The following USP34 variants were observed in gnomAD, a reference collection of about 807,000 sequenced individuals.
USP34 encodes ubiquitin specific peptidase 34.
In USP34, 70 loss-of-function variants were observed where a neutral mutation model predicts 460.3. That is an observed-to-expected ratio of 0.15 (90% confidence interval 0.13 to 0.19). The LOEUF is 0.19. Among genes scored for constraint, USP34 ranks in the 10% least tolerant of loss-of-function variants. USP34 has a pLI of 1.00. For missense variants in USP34, 3,985 were observed against 4,236.2 expected (o/e 0.94, Z 1.65); for synonymous variants, 1,647 against 1,405.3 (o/e 1.17, Z -3.85).
chr2:61,461,555 A>G (rs1256648214), intron 1 of USP34, among the ~76,000 whole-genome samples: 1 of 152,126 alleles, frequency 6.6e-6, no homozygotes, highest in Non-Finnish European at 1.5e-5. Flanking sequence ...AAGTCTTGCT[A>G]TGTTGCCCAG....
intron 30 of USP34, among the ~76,000 whole-genome samples, chr2:61,295,754 T>C (rs1026051609): frequency 1.3e-5 from 2 of 152,246 alleles, no homozygotes; most frequent in Non-Finnish European, 2.9e-5. Context: ...TGAAATGCTA[T>C]TACTAGTGCT....
intron 27 of USP34, among the ~76,000 whole-genome samples, chr2:61,308,941 C>T (rs1690499913): frequency 6.6e-6 from 1 of 152,074 alleles, no homozygotes; most frequent in African/African-American, 2.4e-5. Context: ...ACTCAGGAGG[C>T]TGAGGTGGGA....
At chr2:61,312,526 A>T (rs913792661) in intron 25 of USP34, among the ~76,000 whole-genome samples, 1 of 151,836 alleles carries the variant, frequency 6.6e-6, no homozygotes, top group Non-Finnish European at 1.5e-5. Flanking sequence ...AAAAAAAAAA[A>T]GTCTAAAACT....
At chr2:61,368,048 A>G (rs1460833322) in intron 10 of USP34, among the ~76,000 whole-genome samples, 3 of 152,228 alleles carry the variant, frequency 2.0e-5, no homozygotes, top group Non-Finnish European at 4.4e-5. Flanking sequence ...CGGAAAGTAA[A>G]TATTTTAGGA....
At chr2:61,382,181 TA>T (rs1449547008) in intron 6 of USP34, among the ~76,000 whole-genome samples, 1 of 152,200 alleles carries the variant, frequency 6.6e-6, no homozygotes, top group Non-Finnish European at 1.5e-5. Flanking sequence ...ATGATCTATT[TA>T]AAAGCCAAAT....
intron 44 of USP34, among the ~76,000 whole-genome samples, chr2:61,258,305 C>T (rs1170661605): frequency 6.6e-6 from 1 of 152,154 alleles, no homozygotes; most frequent in East Asian, 1.9e-4. Context: ...GCCTGGGTGA[C>T]AGAGTGAGAC....
intron 1 of USP34, among the ~76,000 whole-genome samples, chr2:61,470,404 A>G (rs1016297102): frequency 1.3e-5 from 2 of 151,450 alleles, no homozygotes; most frequent in Non-Finnish European, 3.0e-5. Flanking sequence ...GAGAGCCCAG[A>G]GCGCCCGGGC....
At chr2:61,437,425 G>T (rs953278233) in intron 1 of USP34, among the ~76,000 whole-genome samples, 13 of 152,100 alleles carry the variant, frequency 8.5e-5, no homozygotes, top group Admixed American at 8.5e-4. Flanking sequence ...TAAAAACCTA[G>T]AGGAAATGAA....
Position 61,420,841 on chromosome 2 carries a change from A to G in USP34, c.44-8T>C. ...CACCTTCTACATCTGATACTGAAATAAAAAAGAAATTTTAAAATTATGAAT... is the reference window on the plus strand; with the variant it reads ...CACCTTCTACATCTGATACTGAAATGAAAAAGAAATTTTAAAATTATGAAT... On this transcript the variant is annotated splice_region_variant and splice_polypyrimidine_tract_variant and intron_variant, in intron 1 of 79. Transcript: ENST00000398571. 1.3e-6 allele frequency: 2 copies of G among 1,598,338 alleles called. No individual in the cohort carries two copies. The highest frequency in any genetic ancestry group is 1.1e-5 in the South Asian group (1 of 87,790).
chr2:61,327,845 GCTT>G (rs1572938642), intron 20 of USP34, among the ~76,000 whole-genome samples: 1 of 152,226 alleles, frequency 6.6e-6, no homozygotes, highest in East Asian at 1.9e-4. Flanking sequence ...CTTGTCCATG[GCTT>G]CTGACATCAC....
intron 41 of USP34, 23 bp downstream of exon 41, chr2:61,278,142 C>T: frequency 6.2e-7 from 1 of 1,607,920 alleles, no homozygotes; most frequent in Non-Finnish European, 8.5e-7. Flanking sequence ...TTCATAGAAA[C>T]ATTTGATTAT....
In USP34 at chr2:61,349,303, A is replaced by C. The variant is rs748565315; in HGVS notation, c.1508-18T>G. 3 of 1,612,270 alleles carry C rather than the reference A, an allele frequency of 1.9e-6. No homozygotes were observed. The African/African-American group carries it at 4.0e-5, about 22-fold the overall frequency. On this transcript the variant is annotated intron_variant, in intron 12 of 79. Transcript: ENST00000398571. ...TTCTTCCTCTGAAGGAAAAGGAAAA[A>C]ACAGGAGAAAAACATTCTAAGTGAC...
At chr2:61,278,131 T>G (rs1421322728) in intron 41 of USP34, 34 bp downstream of exon 41, 1 of 1,605,700 alleles carries the variant, frequency 6.2e-7, no homozygotes. Context: ...TTCAATCACA[T>G]TTCATAGAAA....
intron 3 of USP34, among the ~76,000 whole-genome samples, chr2:61,398,842 C>A (rs1693623934): frequency 6.6e-6 from 1 of 152,074 alleles, no homozygotes; most frequent in South Asian, 2.1e-4. Flanking sequence ...GAAATGAAGT[C>A]TCAAAGTAAG....
chr2:61,332,548 T>G (rs946042190), intron 19 of USP34, among the ~76,000 whole-genome samples: 6 of 152,000 alleles, frequency 3.9e-5, no homozygotes, highest in African/African-American at 7.2e-5. Flanking sequence ...AGTTACTCCT[T>G]AATATGAACC....
At chr2:61,201,211 GTTTTTTTTT>G (rs59199472) in intron 75 of USP34, among the ~76,000 whole-genome samples, 1 of 101,382 alleles carries the variant, frequency 9.9e-6, no homozygotes, top group East Asian at 3.0e-4. Flanking sequence ...CTCATAGAAA[GTTTTTTTTT>G]TTTTTTTTTT....
At chr2:61,324,752 C>T (rs1259444364) in intron 21 of USP34, among the ~76,000 whole-genome samples, 1 of 151,748 alleles carries the variant, frequency 6.6e-6, no homozygotes, top group Non-Finnish European at 1.5e-5. Context: ...GCCTGGGAGA[C>T]AGTGTGAGAC....
Position 61,214,100 on chromosome 2 carries a change from G to C in USP34, c.8642C>G (p.Ala2881Gly). ...GGCATGTGGTGTAAGATTCTTAAAG[G>C]CCCACTGGATGTTCTGGTGAGAAGC... ...QLASHQNIQW[A>G]FKNLTPHASQ... The change falls in exon 68 of 80, where the codon GCC becomes GGC. Residue 2881 changes from alanine (A) to glycine (G), a missense_variant. Around this residue, in one of 14 missense-constraint regions of USP34, gnomAD observed 275 missense variants for 292.7 expected, o/e 0.94. Coordinates refer to ENST00000398571, the MANE Select transcript of USP34 (RefSeq NM_014709.4). The C allele has an allele frequency of 6.2e-7, 1 of 1,614,180 alleles. No individual in the cohort carries two copies. Among genetic ancestry groups the C allele is most frequent in the Non-Finnish European group, 8.5e-7 (1 of 1,180,034 alleles).
At chr2:61,337,136 T>C (rs1462353778) in intron 18 of USP34, among the ~76,000 whole-genome samples, 4 of 152,162 alleles carry the variant, frequency 2.6e-5, no homozygotes, top group Non-Finnish European at 5.9e-5. Context: ...AACGAATCAG[T>C]ATCAGCATTC....
Sources: allele counts gnomAD v4.1 joint callset (sites outside exome capture counted in the v4.1 genomes callset), GRCh38; gene constraint gnomAD v4.1.1; regional missense constraint gnomAD v4.1.1; transcripts MANE v1.5; gene names NCBI Gene and HGNC (gene_info 2026-07-23, HGNC 2026-07-21).